FRMD5: variants seen among roughly 807,000 people sequenced by gnomAD.
FRMD5 encodes the protein FERM domain-containing protein 5.
A neutral mutation model predicts 69.0 loss-of-function variants in FRMD5; 20 were observed. The observed-to-expected ratio is 0.29, with a 90% CI of 0.20 to 0.42. The LOEUF is 0.42. FRMD5 is among the 10% of genes least tolerant of loss of function. The pLI, the probability that FRMD5 is intolerant of heterozygous loss-of-function variation, is 1.00. For synonymous variants in FRMD5, 271 were observed against 260.1 expected (o/e 1.04, Z -0.40); for missense variants, 595 against 708.6 (o/e 0.84, Z 1.82).
At chr15:43,951,983 TGTGTGTGTGTGTGTGTCTGTG>T (rs1566857259) in intron 1 of FRMD5, among the ~76,000 whole-genome samples, 212 of 139,234 alleles carry the variant, frequency 1.5e-3, no homozygotes, top group African/African-American at 4.8e-3. Context: ...GTGTGTGTTG[TGTGTGTGTGTGTGTGTCTGTG>T]TGTGTGTGTG....
chr15:44,073,981 C>T (rs182637204), intron 1 of FRMD5, among the ~76,000 whole-genome samples: 69 of 152,258 alleles, frequency 4.5e-4, no homozygotes, highest in African/African-American at 1.6e-3. Context: ...TAATCCAACA[C>T]CATGTATTCT....
At chr15:44,107,254 A>G (rs2076733377) in intron 1 of FRMD5, among the ~76,000 whole-genome samples, 1 of 152,238 alleles carries the variant, frequency 6.6e-6, no homozygotes, top group Admixed American at 6.5e-5. Flanking sequence ...CTGAGGACAG[A>G]GAGGCAAAGC....
intron 2 of FRMD5, among the ~76,000 whole-genome samples, chr15:43,920,772 T>G (rs1047108509): frequency 6.6e-6 from 1 of 152,200 alleles, no homozygotes; most frequent in African/African-American, 2.4e-5. Flanking sequence ...GTTCAATAGG[T>G]AGCTGCTGAA....
chr15:44,038,612 A>T (rs12900237), intron 1 of FRMD5, among the ~76,000 whole-genome samples: 122,093 of 148,122 alleles, frequency 0.82, 53,112 homozygotes, highest in Non-Finnish European at 0.95. Flanking sequence ...AGCAAGATCA[A>T]TGCAGAAAAC....
chr15:44,017,233 G>C (rs1891005221), intron 1 of FRMD5, among the ~76,000 whole-genome samples: 1 of 151,990 alleles, frequency 6.6e-6, no homozygotes, highest in East Asian at 1.9e-4. Context: ...AGCTACTGGG[G>C]AGGCTGAGGC....
chr15:44,109,037 G>A (rs1297340833), intron 1 of FRMD5, among the ~76,000 whole-genome samples: 2 of 146,822 alleles, frequency 1.4e-5, no homozygotes, highest in Non-Finnish European at 3.0e-5. Flanking sequence ...CAATGCCATT[G>A]CCAGATATAA....
At chr15:43,982,737 T>G (rs1455904246) in intron 1 of FRMD5, among the ~76,000 whole-genome samples, 4 of 152,164 alleles carry the variant, frequency 2.6e-5, no homozygotes, top group Non-Finnish European at 5.9e-5. Context: ...TTTTTAAAGT[T>G]TTTTTTCTAA....
At chr15:44,112,833 G>C (rs1350033869) in intron 1 of FRMD5, among the ~76,000 whole-genome samples, 1 of 151,610 alleles carries the variant, frequency 6.6e-6, no homozygotes, top group African/African-American at 2.4e-5. Flanking sequence ...CTGACCTTGT[G>C]ATCCACCCAC....
In FRMD5 at chr15:44,103,405, T is replaced by C. The variant is rs1407172256; in HGVS notation, c.102+91548A>G. Among the ~76,000 whole-genome samples, 3 of 152,214 alleles carry C rather than the reference T, an allele frequency of 2.0e-5. No individual in the cohort carries two copies. In the South Asian group the frequency reaches 6.2e-4, roughly 32 times the overall value. ...TTTATGGAATAGTTTTGATTAGACA[T>C]ATACTGGTAAAATGTAGTCTTTGGC... On this transcript the variant is annotated intron_variant, in intron 1 of 13. Coordinates refer to ENST00000417257, the MANE Select transcript of FRMD5 (RefSeq NM_032892.5).
At chr15:44,134,692 C>T (rs761215734) in intron 1 of FRMD5, among the ~76,000 whole-genome samples, 4 of 152,318 alleles carry the variant, frequency 2.6e-5, no homozygotes, top group Non-Finnish European at 4.4e-5. Context: ...TCAAATGATC[C>T]ACCCTCCTCG....
intron 1 of FRMD5, among the ~76,000 whole-genome samples, chr15:44,100,238 G>C (rs1222171708): frequency 6.7e-6 from 1 of 148,786 alleles, no homozygotes; most frequent in Admixed American, 6.7e-5. Context: ...TTTTTTTTAA[G>C]TAGAGAGGGG....
At chr15:43,908,397 T>C (rs2140415398) in intron 5 of FRMD5, among the ~76,000 whole-genome samples, 1 of 150,614 alleles carries the variant, frequency 6.6e-6, no homozygotes, top group East Asian at 1.9e-4. Context: ...TCCATGTAGG[T>C]GATTTTAAAA....
intron 1 of FRMD5, among the ~76,000 whole-genome samples, chr15:44,172,945 C>T (rs1259996296): frequency 2.0e-5 from 3 of 152,160 alleles, no homozygotes; most frequent in Non-Finnish European, 4.4e-5. Flanking sequence ...CCTGTGTCTG[C>T]AGTTACTGAG....
intron 1 of FRMD5, among the ~76,000 whole-genome samples, chr15:44,190,678 G>A (rs2078177848): frequency 1.3e-5 from 2 of 152,136 alleles, no homozygotes; most frequent in Admixed American, 6.5e-5. Context: ...GGGTCACACA[G>A]CAAAACGGTT....
At position 43,979,296 on chromosome 15, in the gene FRMD5, T is replaced by C. The variant is rs913128934; in HGVS notation, c.103-54987A>G. ...ATTACAGTGAGCGGAGATCACGCCA[T>C]TGCACTCCAGCCTGGGCTATAAGAG... On this transcript the variant is annotated intron_variant, in intron 1 of 13. Coordinates refer to ENST00000417257, the MANE Select transcript of FRMD5 (RefSeq NM_032892.5). 4.6e-5 allele frequency among the ~76,000 whole-genome samples: 7 copies of C among 151,426 alleles called. No individual in the cohort carries two copies. In the South Asian group the frequency reaches 8.3e-4, roughly 18 times the overall value.
intron 1 of FRMD5, among the ~76,000 whole-genome samples, chr15:44,001,843 C>T (rs1408765368): frequency 6.6e-6 from 1 of 152,086 alleles, no homozygotes; most frequent in Non-Finnish European, 1.5e-5. Context: ...AAGGGATCCT[C>T]CTGCCTCAGC....
intron 1 of FRMD5, among the ~76,000 whole-genome samples, chr15:44,116,264 T>C (rs1034951966): frequency 3.3e-5 from 5 of 151,442 alleles, no homozygotes; most frequent in African/African-American, 1.2e-4. Flanking sequence ...TTTTGTTTTG[T>C]TTTTAAGAGA....
chr15:44,194,754 T>C (rs2078256677), intron 1 of FRMD5, 199 bp downstream of exon 1: 2 of 669,350 alleles, frequency 3.0e-6, no homozygotes, highest in Non-Finnish European at 5.4e-6. Flanking sequence ...GCGGCGGCGG[T>C]GACACACCGG....
intron 1 of FRMD5, among the ~76,000 whole-genome samples, chr15:44,030,586 T>C (rs1004207447): frequency 6.6e-6 from 1 of 152,158 alleles, no homozygotes; most frequent in African/African-American, 2.4e-5. Flanking sequence ...AACCCTATGC[T>C]AGGAAAAAGC....
Sources: allele counts gnomAD v4.1 joint callset (sites outside exome capture counted in the v4.1 genomes callset), GRCh38; gene constraint gnomAD v4.1.1; transcripts MANE v1.5; gene names NCBI Gene and HGNC (gene_info 2026-07-23, HGNC 2026-07-21).